Variants in ANO9 observed in about 807,000 individuals in gnomAD.
ANO9 encodes the protein anoctamin-9.
ANO9 carries 80 observed loss-of-function variants against 100.5 expected under a neutral mutation model. The ratio of observed to expected loss-of-function variants is 0.80; its 90% CI spans 0.66 to 0.96. The LOEUF (loss-of-function observed/expected upper bound fraction) is 0.96. Ranked by LOEUF, ANO9 falls within the 40% of genes least tolerant of loss-of-function variation. The probability of loss-of-function intolerance (pLI) is 0.00; values close to 1 mark genes in which losing one functional copy is unlikely to be tolerated. For synonymous variants in ANO9, 473 were observed against 435.6 expected, an observed-to-expected ratio of 1.09 and a Z score of -1.07; for missense variants, 1,064 against 1,072.7, an observed-to-expected ratio of 0.99 and a Z score of 0.11.
rs368617164 is a variant in ANO9, at chr11:420,932, G to A, written c.1490+13C>T. ...CCTGGGGCTCCCGGGGCTGGGCGGG[G>A]GTCGGCACTCACGGGACCAGGTACT... On this transcript the variant is annotated intron_variant, in intron 17 of 22. Transcript: ENST00000332826. The A allele has an allele frequency of 3.7e-6, 6 of 1,601,556 alleles. No individual in the cohort carries two copies. The African/African-American group carries it at 4.0e-5, about 11-fold the overall frequency.
intron 1 of ANO9, 86 bp downstream of exon 1, chr11:441,835 C>T: frequency 2.0e-6 from 3 of 1,536,660 alleles, no homozygotes; most frequent in Middle Eastern, 2.1e-4. Flanking sequence ...CCAGGTGGGG[C>T]TGGCGGGGGG....
chr11:428,281 T>C, intron 14 of ANO9, 77 bp downstream of exon 14: 1 of 1,607,608 alleles, frequency 6.2e-7, no homozygotes, highest in Non-Finnish European at 8.5e-7. Context: ...TCCCCTGCTC[T>C]CTGACCACAG....
chr11:428,184 A>G lies in ANO9; in HGVS notation c.1238T>C (p.Phe413Ser), dbSNP rs1848639668. 1 of 1,611,908 alleles carries G rather than the reference A, an allele frequency of 6.2e-7. No homozygotes were observed. The highest frequency in any genetic ancestry group is 8.5e-7 in the Non-Finnish European group (1 of 1,179,692). The change falls in exon 15 of 23, where the codon TTC (phenylalanine) becomes TCC (serine). Residue 413 changes from phenylalanine to serine, a missense_variant. Transcript: ENST00000332826. ...GGTGAACCTGCTCTCTCGCTCCGAG[A>G]AGGTCCTGGGCATCTCTGGAATGGG... The part of the protein sequence containing the change: ...KLCDFEMPRT[F>S]SERESRFTIR...
intron 15 of ANO9, among the ~76,000 whole-genome samples, chr11:427,450 G>A (rs1848586087): frequency 6.6e-6 from 1 of 151,676 alleles, no homozygotes; most frequent in South Asian, 2.1e-4. Context: ...ACCTTTTTTT[G>A]GCCAGGTGCA....
intron 1 of ANO9, among the ~76,000 whole-genome samples, chr11:435,861 CT>C (rs1849487814): frequency 9.6e-6 from 1 of 104,402 alleles, no homozygotes; most frequent in Admixed American, 9.6e-5. Context: ...CTAGTCTAGT[CT>C]AGTATAGCAT....
chr11:429,529 T>C (rs1410227757), intron 11 of ANO9, 41 bp downstream of exon 11: 2 of 1,608,720 alleles, frequency 1.2e-6, no homozygotes, highest in Non-Finnish European at 1.7e-6. Flanking sequence ...CAACAGCCCC[T>C]GCTCGGGTCG....
At position 419,809 on chromosome 11, in the gene ANO9, C is replaced by A. The variant is rs866279196; in HGVS notation, c.1787-80G>T. 10 of 1,556,122 alleles carry A rather than the reference C, an allele frequency of 6.4e-6. No homozygotes were observed. The Middle Eastern group carries it at 6.9e-4, about 107-fold the overall frequency. On this transcript the variant is annotated intron_variant, in intron 19 of 22. Transcript: ENST00000332826. ...CCCTCACCCCCACCCCCGGCCAACA[C>A]GGGGCCTGCCGTGTCTCTGTGCGTG...
chr11:429,680 C>T, intron 10 of ANO9, 28 bp from the exon 11 acceptor site: 1 of 1,612,606 alleles, frequency 6.2e-7, no homozygotes, highest in Non-Finnish European at 8.5e-7. Flanking sequence ...AGGGGCATCA[C>T]TGCACTACGC....
In ANO9 at chr11:420,554, C is replaced by CGCGAGCA; in HGVS notation, c.1688_1694dup (p.Leu566AlafsTer59). 1 of 1,605,686 alleles carries CGCGAGCA rather than the reference C, an allele frequency of 6.2e-7. No homozygotes were observed. The highest frequency in any genetic ancestry group is 2.2e-5 in the East Asian group (1 of 44,850). On this transcript the variant is annotated frameshift_variant, in exon 19 of 23. Transcript: ENST00000332826. LOFTEE classifies it high-confidence loss of function. ...GGATCTCCACGAGGTTGCTGAAGAGCGCGAGCAGCGGCGCCAGCGGGAAGG... is the reference window on the plus strand; with the variant it reads ...GGATCTCCACGAGGTTGCTGAAGAGCGCGAGCAGCGAGCAGCGGCGCCAGCGGGAAGG...
chr11:422,264 C>T lies in ANO9; in HGVS notation c.1335-1066G>A, dbSNP rs1474530692. Among the ~76,000 whole-genome samples the T allele has an allele frequency of 3.9e-5, 6 of 152,200 alleles. No homozygotes were observed. Among genetic ancestry groups the T allele is most frequent in the African/African-American group, 9.7e-5 (4 of 41,442 alleles). On this transcript the variant is annotated intron_variant, in intron 15 of 22. Coordinates refer to ENST00000332826, the MANE Select transcript of ANO9 (RefSeq NM_001012302.3). This position sits in a 1 kb window ranked among gnomAD's most constrained non-coding sequence, Gnocchi z 4.3. ...AAAGACTTGCAGGGAGAACCTCGTT[C>T]TCCCATAAGAAAACGGAGGATGTAT...
chr11:419,763 A>G, intron 19 of ANO9, 34 bp from the exon 20 acceptor site: 1 of 1,571,374 alleles, frequency 6.4e-7, no homozygotes, highest in Non-Finnish European at 8.6e-7. Context: ...GGTCTGACTC[A>G]GCGTCCCTCG....
rs1665410047 is a variant in ANO9, at chr11:421,420, CG to C, written c.1335-223del. ...GGAGGCCACAGGCTCCCAGATGAAC[CG>C]CACCCACACGTGGGCGCGCGCACAC... is the stretch of plus-strand genomic sequence containing the variant. On this transcript the variant is annotated intron_variant, in intron 15 of 22. Transcript: ENST00000332826. The surrounding 1 kb of genome is among the most constrained non-coding windows in gnomAD (Gnocchi z 6.8). 9.5e-6 allele frequency: 4 copies of C among 422,996 alleles called. No individual in the cohort carries two copies. Among genetic ancestry groups the C allele is most frequent in the Non-Finnish European group, 1.6e-5 (4 of 242,516 alleles). 26.2% of individuals were successfully genotyped at this position (422,996 alleles called of 1,614,324 possible). A position where few individuals can be genotyped will look rare whatever the true frequency, so the allele number is the denominator to read the frequency against.
In ANO9 at chr11:431,847, C is replaced by T; in HGVS notation, c.465+1G>A. On this transcript the variant is annotated splice_donor_variant, in intron 6 of 22. Transcript: ENST00000332826. LOFTEE classifies it high-confidence loss of function. ...CCTCTCCAGGCCAGCCCACCCCTCA[C>T]CTTGTGCAGGGGGAACCTGGCCTCA... is the stretch of plus-strand genomic sequence containing the variant. 6.2e-7 allele frequency: 1 copy of T among 1,611,182 alleles called. No individual in the cohort carries two copies. Among genetic ancestry groups the T allele is most frequent in the Non-Finnish European group, 8.5e-7 (1 of 1,178,668 alleles).
chr11:439,287 G>A (rs1184723227), intron 1 of ANO9, among the ~76,000 whole-genome samples: 2 of 152,230 alleles, frequency 1.3e-5, no homozygotes, highest in African/African-American at 4.8e-5. Flanking sequence ...CAAGCCCCTG[G>A]TTCCCAGTGA....
At chr11:420,690 G>A (rs1484287892) in intron 18 of ANO9, 28 bp downstream of exon 18, 3 of 1,602,330 alleles carry the variant, frequency 1.9e-6, no homozygotes, top group Non-Finnish European at 2.6e-6. Flanking sequence ...TCGTCTCCGC[G>A]AACCCCCGCC....
intron 8 of ANO9, 23 bp from the exon 9 acceptor site, chr11:430,202 G>A: frequency 1.9e-6 from 3 of 1,550,482 alleles, no homozygotes; most frequent in South Asian, 2.4e-5. Flanking sequence ...GGATGAGGCT[G>A]GGGTCGGCTC....
chr11:428,333 A>G, intron 14 of ANO9, 25 bp downstream of exon 14: 5 of 1,612,194 alleles, frequency 3.1e-6, no homozygotes, highest in African/African-American at 2.7e-5. Flanking sequence ...GGGTCCCCCA[A>G]GAGGGTCTGG....
intron 9 of ANO9, 51 bp from the exon 10 acceptor site, chr11:429,869 GGGCAGGTGAGCCAGGGAGGGA>G: frequency 6.6e-7 from 1 of 1,504,636 alleles, no homozygotes; most frequent in Non-Finnish European, 9.0e-7. Context: ...CTGGGGAGGG[GGGCAGGTGAGCCAGGGAGGGA>G]GGCAGGAAAG....
rs757430374 is a variant in ANO9, at chr11:428,175, C to T, written c.1247G>A (p.Arg416Gln). The T allele has an allele frequency of 8.7e-6, 14 of 1,611,908 alleles. No individual in the cohort carries two copies. The highest frequency in any genetic ancestry group is 1.6e-4 in the Middle Eastern group (1 of 6,082). ...DFEMPRTFSE[R>Q]ESRFTIRFFT... ...GAAGCGGATGGTGAACCTGCTCTCTCGCTCCGAGAAGGTCCTGGGCATCTC... is the reference window on the plus strand; with the variant it reads ...GAAGCGGATGGTGAACCTGCTCTCTTGCTCCGAGAAGGTCCTGGGCATCTC... The change falls in exon 15 of 23, where the codon CGA (arginine) becomes CAA (glutamine). Residue 416 changes from arginine to glutamine, a missense_variant. Arg to Gln is a conservative substitution (Grantham distance 43). Transcript: ENST00000332826.
Sources: gnomAD v4.1 joint callset for allele counts (sites outside exome capture counted in the v4.1 genomes callset) on GRCh38, gnomAD v4.1.1 for gene constraint, Gnocchi (gnomAD v3.1) non-coding constraint, MANE v1.5 for transcripts, NCBI Gene and HGNC (gene_info 2026-07-23, HGNC 2026-07-21) for gene names.